ELAC1: variants seen among roughly 807,000 people sequenced by gnomAD.
ELAC1 encodes zinc phosphodiesterase ELAC protein 1.
Under a neutral mutation model 25.8 loss-of-function variants are expected in ELAC1, and 19 were observed. The ratio of observed to expected loss-of-function variants is 0.74; its 90% CI spans 0.51 to 1.08. ELAC1 has a LOEUF of 1.08. Among genes scored for constraint, ELAC1 ranks in the 50% least tolerant of loss-of-function variants. The probability of loss-of-function intolerance (pLI) is 0.00; values close to 1 mark genes in which losing one functional copy is unlikely to be tolerated. For synonymous variants in ELAC1, 148 were observed against 160.9 expected, an observed-to-expected ratio of 0.92 and a Z score of 0.61; for missense variants, 403 against 434.6, an observed-to-expected ratio of 0.93 and a Z score of 0.65.
chr18:50,986,565 GA>G, intron 3 of ELAC1, 53 bp from the exon 4 acceptor site: 1 of 1,402,614 alleles, frequency 7.1e-7, no homozygotes, highest in Non-Finnish European at 9.8e-7. Flanking sequence ...ATAGACTCTT[GA>G]AAAGTCATAA....
At chr18:50,975,212 G>A (rs762153738) in intron 2 of ELAC1, among the ~76,000 whole-genome samples, 1 of 152,066 alleles carries the variant, frequency 6.6e-6, no homozygotes, top group African/African-American at 2.4e-5. Flanking sequence ...TTACTTTCCC[G>A]ATCTTGAAAA....
In ELAC1 at chr18:50,974,517, G is replaced by A; in HGVS notation, c.113G>A (p.Gly38Glu). 1 of 1,613,448 alleles carries A rather than the reference G, an allele frequency of 6.2e-7. No homozygotes were observed. The highest frequency in any genetic ancestry group is 1.1e-5 in the South Asian group (1 of 91,050). ...GGCGAGTGCTGGCTCTTTGACTGTG[G>A]GGAGGGAACACAGACACAGCTTATG... ...CEGECWLFDCGEGTQTQLMKS... is the reference protein window; with the variant it reads ...CEGECWLFDCEEGTQTQLMKS... Residue 38 changes from glycine (G) to glutamate (E), a missense_variant, in exon 2 of 4, where the codon GGG (glycine) becomes GAG (glutamate). Coordinates refer to ENST00000269466, the MANE Select transcript of ELAC1 (RefSeq NM_018696.3).
At chr18:50,973,395 A>G (rs188268977) in intron 1 of ELAC1, among the ~76,000 whole-genome samples, 69 of 152,364 alleles carry the variant, frequency 4.5e-4, no homozygotes, top group Non-Finnish European at 8.5e-4. Flanking sequence ...TAGTGAAAGG[A>G]ATAGTGCCAG....
At chr18:50,984,807 C>T in intron 3 of ELAC1, 1 of 548,822 alleles carries the variant, frequency 1.8e-6, no homozygotes, top group South Asian at 2.8e-5. Flanking sequence ...TGTCATGTGC[C>T]TGTAGTCCCA....
At chr18:50,969,609 C>G (rs1907594218) in intron 1 of ELAC1, 1 of 152,252 alleles carries the variant, frequency 6.6e-6, no homozygotes, top group Non-Finnish European at 1.5e-5. Context: ...TGGCAATGAT[C>G]ACTAGCGGCT....
chr18:50,986,228 C>G (rs952192268), intron 3 of ELAC1, among the ~76,000 whole-genome samples: 7 of 151,884 alleles, frequency 4.6e-5, no homozygotes, highest in Non-Finnish European at 7.4e-5. Context: ...GCCAGTGCAC[C>G]CAGCCTGACT....
intron 3 of ELAC1, chr18:50,984,868 G>A (rs1159453307): frequency 6.4e-6 from 3 of 471,542 alleles, no homozygotes; most frequent in South Asian, 8.4e-5. Flanking sequence ...GGAGGTCAAG[G>A]CTGCAGTAAG....
intron 2 of ELAC1, among the ~76,000 whole-genome samples, chr18:50,976,581 C>G (rs904248679): frequency 3.3e-5 from 5 of 152,290 alleles, no homozygotes; most frequent in Middle Eastern, 3.4e-3. Flanking sequence ...GGGTCCCTCC[C>G]ATGACATGTG....
chr18:50,974,333 A>G (rs1269725422), intron 1 of ELAC1, 64 bp from the exon 2 acceptor site: 1 of 1,418,294 alleles, frequency 7.1e-7, no homozygotes, highest in East Asian at 2.4e-5. Context: ...AGAGATAAAT[A>G]TTACAGGAAT....
chr18:50,971,938 A>ATC (rs1363482095), intron 1 of ELAC1, among the ~76,000 whole-genome samples: 1 of 138,926 alleles, frequency 7.2e-6, no homozygotes, highest in Non-Finnish European at 1.6e-5. Context: ...ATATATATAT[A>ATC]TATATCCTTT....
At chr18:50,977,883 C>T (rs1907836584) in intron 2 of ELAC1, among the ~76,000 whole-genome samples, 2 of 152,290 alleles carry the variant, frequency 1.3e-5, no homozygotes, top group Non-Finnish European at 2.9e-5. Context: ...GCTTTGCTGC[C>T]TAGAAATTTC....
intron 2 of ELAC1, among the ~76,000 whole-genome samples, chr18:50,977,280 T>G (rs931767435): frequency 2.0e-5 from 3 of 152,152 alleles, no homozygotes; most frequent in African/African-American, 7.2e-5. Context: ...CTAGTAGAGG[T>G]TCTTTGTGAG....
Position 50,971,601 on chromosome 18 carries a change from C to T in ELAC1, c.-8-2796C>T, listed in dbSNP as rs191591765. On this transcript the variant is annotated intron_variant, in intron 1 of 3. Transcript: ENST00000269466. ...GTAGAGACAGTGTCTCACTATGTTG[C>T]CTAGGCTGGTCTCAAACTCCTGGGC... 2.6e-5 allele frequency among the ~76,000 whole-genome samples: 4 copies of T among 151,970 alleles called. No homozygotes were observed. In the East Asian group the frequency reaches 7.7e-4, roughly 29 times the overall value.
chr18:50,972,093 T>C, intron 1 of ELAC1, among the ~76,000 whole-genome samples: 1 of 149,930 alleles, frequency 6.7e-6, no homozygotes, highest in Middle Eastern at 3.2e-3. Context: ...ACTTTATGAG[T>C]CTCAATATAT....
intron 3 of ELAC1, 107 bp downstream of exon 3, chr18:50,984,670 G>A (rs993165189): frequency 7.1e-6 from 6 of 845,154 alleles, no homozygotes; most frequent in South Asian, 1.8e-5. Context: ...TGTGGCTCAC[G>A]CCTGTAATCC....
intron 1 of ELAC1, among the ~76,000 whole-genome samples, chr18:50,972,027 C>A (rs534589267): frequency 1.7e-4 from 24 of 145,240 alleles, no homozygotes; most frequent in Non-Finnish European, 2.8e-4. Flanking sequence ...AGCATTAACC[C>A]CCTGTCATAA....
chr18:50,983,703 A>AC (rs1908021203), intron 2 of ELAC1, among the ~76,000 whole-genome samples: 1 of 151,594 alleles, frequency 6.6e-6, no homozygotes, highest in Admixed American at 6.6e-5. Context: ...AAAAAAAAAA[A>AC]AAAAAACCAG....
In ELAC1 at chr18:50,974,528, C is replaced by G. The variant is rs1367240638; in HGVS notation, c.124C>G (p.Gln42Glu). The G allele has an allele frequency of 6.2e-7, 1 of 1,613,856 alleles. No individual in the cohort carries two copies. Residue 42 changes from glutamine to glutamate, a missense_variant, in exon 2 of 4, where the codon CAG (glutamine) becomes GAG (glutamate). Transcript: ENST00000269466. ...GCTCTTTGACTGTGGGGAGGGAACA[C>G]AGACACAGCTTATGAAAAGCCAACT... ...CWLFDCGEGT[Q>E]TQLMKSQLKA...
Position 50,987,076 on chromosome 18 carries a change from C to T in ELAC1, c.1083C>T (p.Ile361=). The T allele has an allele frequency of 6.5e-7, 1 of 1,535,368 alleles. No individual in the cohort carries two copies. The part of the protein sequence containing the change: ...AEDFMVISIP[I]KK ...ATTTTATGGTGATAAGCATTCCAAT[C>T]AAGAAATGAAACCAGTGTTCCTGAG... Residue 361 remains isoleucine, a synonymous_variant, in exon 4 of 4, where the codon ATC becomes ATT. Transcript: ENST00000269466.
Sources: gnomAD v4.1 joint callset for allele counts (sites outside exome capture counted in the v4.1 genomes callset) on GRCh38, gnomAD v4.1.1 for gene constraint, MANE v1.5 for transcripts, NCBI Gene and HGNC (gene_info 2026-07-23, HGNC 2026-07-21) for gene names.